Variants in RORA observed in about 807,000 individuals in gnomAD.
RORA encodes RAR related orphan receptor A, also known as nuclear receptor ROR-alpha.
RORA carries 7 observed loss-of-function variants against 69.5 expected under a neutral mutation model. The observed-to-expected ratio is 0.10, with a 90% CI of 0.06 to 0.19. RORA has a LOEUF of 0.19. RORA is among the 10% of genes least tolerant of loss of function. The pLI, the probability that RORA is intolerant of heterozygous loss-of-function variation, is 1.00. For synonymous variants in RORA, 261 were observed against 240.8 expected (o/e 1.08, Z -0.78); for missense variants, 457 against 663.0 (o/e 0.69, Z 3.41).
intron 2 of RORA, among the ~76,000 whole-genome samples, chr15:60,599,611 T>C (rs1452472312): frequency 2.6e-5 from 4 of 152,072 alleles, no homozygotes; most frequent in African/African-American, 9.7e-5. Context: ...AATGCATTTC[T>C]CACTCAAGGA....
At chr15:60,944,725 C>T (rs1231762933) in intron 1 of RORA, among the ~76,000 whole-genome samples, 1 of 151,318 alleles carries the variant, frequency 6.6e-6, no homozygotes, top group Non-Finnish European at 1.5e-5. Flanking sequence ...GCAGCATGGC[C>T]CAGAATTCCT....
intron 1 of RORA, among the ~76,000 whole-genome samples, chr15:60,831,789 A>G (rs1364751386): frequency 6.6e-6 from 1 of 152,224 alleles, no homozygotes; most frequent in Non-Finnish European, 1.5e-5. Flanking sequence ...GTATGTTGCA[A>G]TCAATTCTGA....
chr15:61,165,475 G>A (rs983473198), intron 1 of RORA, among the ~76,000 whole-genome samples: 2 of 152,178 alleles, frequency 1.3e-5, no homozygotes, highest in African/African-American at 4.8e-5. Flanking sequence ...CCTAGACCAC[G>A]GCCAGTGGTT....
At chr15:60,622,591 T>C (rs368227920) in intron 2 of RORA, among the ~76,000 whole-genome samples, 1 of 152,262 alleles carries the variant, frequency 6.6e-6, no homozygotes, top group East Asian at 1.9e-4. Flanking sequence ...ACTGCATCAC[T>C]GCACTCCAGC....
intron 4 of RORA, 125 bp downstream of exon 4, chr15:60,514,491 C>T (rs541567646): frequency 5.7e-5 from 49 of 853,760 alleles, no homozygotes; most frequent in Admixed American, 2.8e-4. Context: ...GCATGGGGGG[C>T]GGGGCGTAAG....
intron 1 of RORA, among the ~76,000 whole-genome samples, chr15:60,822,113 T>C (rs1260853958): frequency 1.3e-5 from 2 of 152,170 alleles, no homozygotes; most frequent in Non-Finnish European, 1.5e-5. Context: ...CAAGGTTTGG[T>C]GGTAAATGGT....
chr15:61,199,786 C>G (rs934289851), intron 1 of RORA, among the ~76,000 whole-genome samples: 1 of 152,152 alleles, frequency 6.6e-6, no homozygotes, highest in African/African-American at 2.4e-5. Context: ...CACAGTAAAT[C>G]AGGAAACTGA....
chr15:60,561,206 C>A (rs924478237), intron 2 of RORA, among the ~76,000 whole-genome samples: 1 of 151,396 alleles, frequency 6.6e-6, no homozygotes, highest in African/African-American at 2.4e-5. Flanking sequence ...CTCAGCCTCC[C>A]GAGTAGCTGG....
At chr15:61,118,153 G>A (rs1228195018) in intron 1 of RORA, among the ~76,000 whole-genome samples, 1 of 152,140 alleles carries the variant, frequency 6.6e-6, no homozygotes, top group East Asian at 1.9e-4. Context: ...AGTGTGGTGG[G>A]AACATTAATA....
chr15:61,184,894 A>G (rs577651320), intron 1 of RORA, among the ~76,000 whole-genome samples: 1 of 150,366 alleles, frequency 6.7e-6, no homozygotes, highest in South Asian at 2.1e-4. Flanking sequence ...CTGAGGTAGG[A>G]AGATACCTCG....
intron 1 of RORA, among the ~76,000 whole-genome samples, chr15:60,700,415 A>G (rs1045671642): frequency 2.0e-5 from 3 of 152,178 alleles, no homozygotes; most frequent in Admixed American, 2.0e-4. Flanking sequence ...AGCAGAGCCA[A>G]TGTGATGATG....
chr15:60,883,470 G>A (rs911131733), intron 1 of RORA, among the ~76,000 whole-genome samples: 1 of 152,146 alleles, frequency 6.6e-6, no homozygotes, highest in Admixed American at 6.5e-5. Flanking sequence ...TAAAGATCAT[G>A]TTTTCCATTA....
At chr15:61,193,868 C>T (rs1225257933) in intron 1 of RORA, among the ~76,000 whole-genome samples, 1 of 152,164 alleles carries the variant, frequency 6.6e-6, no homozygotes, top group Admixed American at 6.5e-5. Flanking sequence ...GAGACACTAA[C>T]CTTAGCGGAT....
At chr15:60,956,444 G>A (rs1893270399) in intron 1 of RORA, among the ~76,000 whole-genome samples, 1 of 152,158 alleles carries the variant, frequency 6.6e-6, no homozygotes, top group South Asian at 2.1e-4. Context: ...AGACCTGCTA[G>A]AAAACAATGA....
At chr15:61,152,973 C>T (rs918441719) in intron 1 of RORA, among the ~76,000 whole-genome samples, 5 of 152,118 alleles carry the variant, frequency 3.3e-5, no homozygotes, top group Admixed American at 1.3e-4. Flanking sequence ...GATCAATGTT[C>T]TTCACATTTT....
chr15:61,213,610 C>T lies in RORA; in HGVS notation c.166+15443G>A, dbSNP rs950855049. The stretch of plus-strand genomic sequence containing the variant: ...CTGTCACTTTTTGCCAAAAGAATCT[C>T]CTCATTTTTCTAAAACCCGGGCAGG... On this transcript the variant is annotated intron_variant, in intron 1 of 10. Coordinates refer to ENST00000335670, the MANE Select transcript of RORA (RefSeq NM_134261.3). This position sits in a 1 kb window ranked among gnomAD's most constrained non-coding sequence, Gnocchi z 4.1. Among the ~76,000 whole-genome samples, 2 of 152,112 alleles carry T rather than the reference C, an allele frequency of 1.3e-5. No individual in the cohort carries two copies. The highest frequency in any genetic ancestry group is 4.8e-5 in the African/African-American group (2 of 41,412).
At chr15:61,133,635 C>T (rs2079211700) in intron 1 of RORA, among the ~76,000 whole-genome samples, 1 of 152,140 alleles carries the variant, frequency 6.6e-6, no homozygotes, top group Non-Finnish European at 1.5e-5. Context: ...GTTTTGTTGG[C>T]TCGAATGGAG....
chr15:60,789,797 A>G (rs1276687010), intron 1 of RORA, among the ~76,000 whole-genome samples: 1 of 152,226 alleles, frequency 6.6e-6, no homozygotes, highest in Non-Finnish European at 1.5e-5. Flanking sequence ...TCAGCTTTGA[A>G]GTGGGTCTAC....
intron 1 of RORA, among the ~76,000 whole-genome samples, chr15:61,206,858 A>G (rs2079946685): frequency 6.6e-6 from 1 of 152,156 alleles, no homozygotes; most frequent in East Asian, 1.9e-4. Flanking sequence ...ATCCTACCAT[A>G]TGGATTCAAC....
Sources: gnomAD v4.1 joint callset for allele counts (sites outside exome capture counted in the v4.1 genomes callset) on GRCh38, gnomAD v4.1.1 for gene constraint, Gnocchi (gnomAD v3.1) non-coding constraint, MANE v1.5 for transcripts, NCBI Gene and HGNC (gene_info 2026-07-23, HGNC 2026-07-21) for gene names.